The following TC2N variants were observed in gnomAD, a reference collection of about 807,000 sequenced individuals.
TC2N encodes tandem C2 domains, nuclear.
Under a neutral mutation model 61.9 loss-of-function variants are expected in TC2N, and 51 were observed. The ratio of observed to expected loss-of-function variants is 0.82; its 90% confidence interval spans 0.66 to 1.04. The LOEUF is 1.04. Ranked by LOEUF, TC2N falls within the 50% of genes least tolerant of loss-of-function variation. The probability of loss-of-function intolerance (pLI) is 0.00; values close to 1 mark genes in which losing one functional copy is unlikely to be tolerated. For synonymous variants in TC2N, 204 were observed against 192.6 expected, an observed-to-expected ratio of 1.06 and a Z score of -0.49; for missense variants, 556 against 566.7, an observed-to-expected ratio of 0.98 and a Z score of 0.19.
intron 3 of TC2N, among the ~76,000 whole-genome samples, chr14:91,803,083 C>T (rs1373435169): frequency 2.0e-5 from 3 of 151,852 alleles, no homozygotes; most frequent in South Asian, 4.2e-4. Context: ...AATAGACACC[C>T]GTTTCATGAA....
intron 3 of TC2N, among the ~76,000 whole-genome samples, chr14:91,803,430 T>TAC (rs1286400465): frequency 7.2e-6 from 1 of 138,492 alleles, no homozygotes; most frequent in African/African-American, 3.0e-5. Flanking sequence ...CACACACACA[T>TAC]ATATATATAT....
At chr14:91,808,090 C>T (rs1397839330) in intron 3 of TC2N, among the ~76,000 whole-genome samples, 1 of 152,184 alleles carries the variant, frequency 6.6e-6, no homozygotes, top group Admixed American at 6.5e-5. Context: ...CAGGCCTTCC[C>T]AGCCACATGG....
At chr14:91,816,971 TTC>T (rs1411094959) in intron 1 of TC2N, among the ~76,000 whole-genome samples, 4 of 151,932 alleles carry the variant, frequency 2.6e-5, no homozygotes, top group Admixed American at 2.0e-4. Flanking sequence ...CCTCTTCACT[TTC>T]TGCATTTTCT....
chr14:91,856,599 C>T (rs1045401110), intron 1 of TC2N, among the ~76,000 whole-genome samples: 3 of 152,120 alleles, frequency 2.0e-5, no homozygotes, highest in Admixed American at 2.0e-4. Context: ...TCCGCTGTCC[C>T]CAGAGCTGTC....
chr14:91,862,882 GAAC>G (rs895317837), intron 1 of TC2N, among the ~76,000 whole-genome samples: 5 of 152,274 alleles, frequency 3.3e-5, no homozygotes, highest in South Asian at 2.1e-4. Context: ...AGTTCCAACA[GAAC>G]AACAACAACA....
chr14:91,805,451 G>A (rs977287604), intron 3 of TC2N, among the ~76,000 whole-genome samples: 15 of 152,176 alleles, frequency 9.9e-5, no homozygotes, highest in Non-Finnish European at 7.3e-5. Context: ...GGCAGATCAC[G>A]AGGTTAAGAG....
In TC2N at chr14:91,837,314, G is replaced by A. The variant is rs527268383; in HGVS notation, c.-56-23489C>T. ...CAGTGCAGCCTCGACCTTCGGGGCT[G>A]AAGTGATCCTCCCACCTCAGCCCCT... On this transcript the variant is annotated intron_variant, in intron 1 of 11. Transcript: ENST00000435962. The surrounding 1 kb of genome is among the most constrained non-coding windows in gnomAD (Gnocchi z 4.2). 6.6e-6 allele frequency among the ~76,000 whole-genome samples: 1 copy of A among 152,254 alleles called. No homozygotes were observed. The highest frequency in any genetic ancestry group is 1.5e-5 in the Non-Finnish European group (1 of 68,042).
intron 3 of TC2N, among the ~76,000 whole-genome samples, chr14:91,810,587 C>A (rs1385981225): frequency 1.3e-5 from 2 of 151,750 alleles, no homozygotes; most frequent in African/African-American, 4.8e-5. Flanking sequence ...TCCACAGAAT[C>A]CAAACCTAGA....
Position 91,781,425 on chromosome 14 carries a change from G to A in TC2N, c.*1675C>T, listed in dbSNP as rs1885126317. 6.6e-6 allele frequency: 1 copy of A among 152,052 alleles called. No homozygotes were observed. Among genetic ancestry groups the A allele is most frequent in the Non-Finnish European group, 1.5e-5 (1 of 67,964 alleles). The allele number at this position is 152,052 out of a possible 1,614,324, so 9.4% of individuals were successfully genotyped here. A position where few individuals can be genotyped will look rare whatever the true frequency, so the allele number is the denominator to read the frequency against. On this transcript the variant is annotated 3_prime_UTR_variant, in exon 12 of 12. Transcript: ENST00000435962. ...AATGATGTTTCAGAGTAGGTTCATTGATTGTAACAAATGTACCATTGTGGT... is the reference window on the plus strand; with the variant it reads ...AATGATGTTTCAGAGTAGGTTCATTAATTGTAACAAATGTACCATTGTGGT...
intron 1 of TC2N, among the ~76,000 whole-genome samples, chr14:91,856,550 G>C (rs979505250): frequency 6.6e-6 from 1 of 151,714 alleles, no homozygotes; most frequent in Non-Finnish European, 1.5e-5. Context: ...AGGGAGAGCT[G>C]TGCCTGGGAG....
chr14:91,799,558 C>CT (rs1225477139), intron 5 of TC2N, among the ~76,000 whole-genome samples: 1 of 151,998 alleles, frequency 6.6e-6, no homozygotes, highest in Admixed American at 6.6e-5. Context: ...TTAACAAGCT[C>CT]TCCAAACAAT....
chr14:91,837,860 A>G lies in TC2N; in HGVS notation c.-56-24035T>C, dbSNP rs780620522. Among the ~76,000 whole-genome samples the G allele has an allele frequency of 5.9e-5, 9 of 152,244 alleles. No individual in the cohort carries two copies. Among genetic ancestry groups the G allele is most frequent in the Non-Finnish European group, 1.2e-4 (8 of 68,042 alleles). On this transcript the variant is annotated intron_variant, in intron 1 of 11. Transcript: ENST00000435962. This position sits in a 1 kb window ranked among gnomAD's most constrained non-coding sequence, Gnocchi z 4.2. The stretch of plus-strand genomic sequence containing the variant: ...ATCTTGGGCATTAGTGTTTCAACAA[A>G]CACTTTGAAAACCACTGCTTTCAAC...
chr14:91,802,110 A>C, intron 4 of TC2N, 144 bp downstream of exon 4: 2 of 636,814 alleles, frequency 3.1e-6, no homozygotes, highest in Non-Finnish European at 2.4e-6. Flanking sequence ...GAGATGTCAT[A>C]ACGTTTATCA....
intron 1 of TC2N, among the ~76,000 whole-genome samples, chr14:91,839,414 A>C (rs1460731600): frequency 6.6e-6 from 1 of 152,116 alleles, no homozygotes; most frequent in Non-Finnish European, 1.5e-5. Flanking sequence ...TAACCACCAC[A>C]ATCCATCTGT....
intron 1 of TC2N, among the ~76,000 whole-genome samples, chr14:91,832,594 G>C (rs1009874165): frequency 2.0e-5 from 3 of 152,068 alleles, no homozygotes; most frequent in African/African-American, 7.2e-5. Flanking sequence ...ATGTAGAAGT[G>C]TCTTACATGT....
chr14:91,833,946 C>A (rs1034350439), intron 1 of TC2N, among the ~76,000 whole-genome samples: 2 of 152,022 alleles, frequency 1.3e-5, no homozygotes, highest in African/African-American at 4.8e-5. Flanking sequence ...AAACTTTCAA[C>A]GAAGACTGAA....
chr14:91,850,628 C>T (rs898680926), intron 1 of TC2N, among the ~76,000 whole-genome samples: 8 of 152,202 alleles, frequency 5.3e-5, no homozygotes, highest in Non-Finnish European at 1.0e-4. Context: ...AGGTTTCATG[C>T]TCCTTATGAG....
chr14:91,812,696 CT>C, intron 2 of TC2N, 151 bp from the exon 3 acceptor site: 1 of 510,232 alleles, frequency 2.0e-6, no homozygotes, highest in Non-Finnish European at 3.5e-6. Flanking sequence ...CTTCTGGAAT[CT>C]ACATTAATTT....
rs544934582 is a variant in TC2N, at chr14:91,785,488, T to C, written c.1163-127A>G. The C allele has an allele frequency of 3.1e-5, 21 of 679,840 alleles. No individual in the cohort carries two copies. The South Asian group carries it at 4.4e-4, about 14-fold the overall frequency. 42.1% of individuals were successfully genotyped at this position (679,840 alleles called of 1,614,324 possible). A position where few individuals can be genotyped will look rare whatever the true frequency, so the allele number is the denominator to read the frequency against. Reference sequence around the variant, plus strand: ...TGTAAAAAATATAGATAAGTCACTTTTAAATGTTTGATGAGCTACGACCAT... The same window carrying C: ...TGTAAAAAATATAGATAAGTCACTTCTAAATGTTTGATGAGCTACGACCAT... On this transcript the variant is annotated intron_variant, in intron 10 of 11. Coordinates refer to ENST00000435962, the MANE Select transcript of TC2N (RefSeq NM_001128596.3).
Sources: gnomAD v4.1 joint callset for allele counts (sites outside exome capture counted in the v4.1 genomes callset) on GRCh38, gnomAD v4.1.1 for gene constraint, Gnocchi (gnomAD v3.1) non-coding constraint, MANE v1.5 for transcripts, NCBI Gene and HGNC (gene_info 2026-07-23, HGNC 2026-07-21) for gene names.